Variants in CCDC178 observed in about 807,000 individuals in gnomAD.
CCDC178 encodes the protein coiled-coil domain containing 178, also known as coiled-coil domain-containing protein 178.
CCDC178 carries 126 observed loss-of-function variants against 117.4 expected under a neutral mutation model. The ratio of observed to expected loss-of-function variants is 1.07; its 90% CI spans 0.93 to 1.24. The LOEUF (loss-of-function observed/expected upper bound fraction) is 1.24. Ranked by LOEUF, CCDC178 falls within the 50% of genes most tolerant of loss-of-function variation. The pLI, the probability that CCDC178 is intolerant of heterozygous loss-of-function variation, is 0.00. For missense variants in CCDC178, 1,030 were observed against 986.9 expected (o/e 1.04, Z -0.59); for synonymous variants, 283 against 313.4 (o/e 0.90, Z 1.02).
chr18:33,422,678 T>C (rs2064043463), intron 2 of CCDC178, among the ~76,000 whole-genome samples: 1 of 152,226 alleles, frequency 6.6e-6, no homozygotes, highest in South Asian at 2.1e-4. Flanking sequence ...CATGTGGCTA[T>C]TGGCTACCAT....
chr18:32,985,961 A>C (rs918596227), intron 21 of CCDC178, among the ~76,000 whole-genome samples: 26 of 152,072 alleles, frequency 1.7e-4, no homozygotes, highest in African/African-American at 6.3e-4. Flanking sequence ...AACTGGATTC[A>C]ATATAAAATA....
intron 20 of CCDC178, among the ~76,000 whole-genome samples, chr18:33,136,649 C>A (rs1006316213): frequency 2.0e-5 from 3 of 152,118 alleles, no homozygotes; most frequent in African/African-American, 7.2e-5. Context: ...ATTTTGGAAA[C>A]AAGCCACACT....
In CCDC178 at chr18:33,373,021, A is replaced by T. The variant is rs143759364; in HGVS notation, c.209-2832T>A. Among the ~76,000 whole-genome samples, 46 of 152,134 alleles carry T rather than the reference A, an allele frequency of 3.0e-4. No homozygotes were observed. The East Asian group carries it at 5.2e-3, about 17-fold the overall frequency. On this transcript the variant is annotated intron_variant, in intron 5 of 22. Coordinates refer to ENST00000383096, the MANE Select transcript of CCDC178 (RefSeq NM_001105528.4). ...GATTTTCTTTCCAAAATGTAACATA[A>T]GTCAGTGCTCTTGAGGTTAAAAATA...
At chr18:33,017,783 A>G (rs150235849) in intron 21 of CCDC178, among the ~76,000 whole-genome samples, 2 of 152,126 alleles carry the variant, frequency 1.3e-5, no homozygotes, top group African/African-American at 4.8e-5. Flanking sequence ...AAATATGCAT[A>G]GAAAATGGAC....
intron 21 of CCDC178, among the ~76,000 whole-genome samples, chr18:33,080,016 G>C (rs2057272710): frequency 6.6e-6 from 1 of 152,126 alleles, no homozygotes; most frequent in South Asian, 2.1e-4. Flanking sequence ...CAAAGACATG[G>C]AATCAACACA....
intron 11 of CCDC178, among the ~76,000 whole-genome samples, chr18:33,298,287 T>A (rs2062132616): frequency 6.6e-6 from 1 of 152,132 alleles, no homozygotes; most frequent in Non-Finnish European, 1.5e-5. Context: ...CATGATCAGG[T>A]GGGATTTATC....
At chr18:33,111,666 C>G (rs2057785169) in intron 20 of CCDC178, among the ~76,000 whole-genome samples, 2 of 151,532 alleles carry the variant, frequency 1.3e-5, no homozygotes, top group African/African-American at 4.8e-5. Flanking sequence ...AATATGATGA[C>G]AGAACTAAGA....
chr18:33,295,961 G>A (rs938671936), intron 11 of CCDC178, among the ~76,000 whole-genome samples: 7 of 152,174 alleles, frequency 4.6e-5, no homozygotes, highest in Admixed American at 4.6e-4. Context: ...AAAAACTTAT[G>A]TTCACACAAA....
intron 2 of CCDC178, among the ~76,000 whole-genome samples, chr18:33,417,532 G>GTA (rs1037752835): frequency 2.2e-5 from 1 of 46,378 alleles, no homozygotes; most frequent in African/African-American, 6.6e-5. Flanking sequence ...TCACAGAGCT[G>GTA]TATACACACA....
chr18:33,113,175 ATAGTT>A (rs2057807061), intron 20 of CCDC178, among the ~76,000 whole-genome samples: 1 of 152,166 alleles, frequency 6.6e-6, no homozygotes, highest in African/African-American at 2.4e-5. Flanking sequence ...ACAATGAATC[ATAGTT>A]TAGTTTTCTT....
chr18:33,249,954 T>C (rs2059599654), intron 14 of CCDC178, among the ~76,000 whole-genome samples: 1 of 151,982 alleles, frequency 6.6e-6, no homozygotes, highest in South Asian at 2.1e-4. Context: ...TGAGCAGTGG[T>C]TTGTAGTTCT....
intron 20 of CCDC178, among the ~76,000 whole-genome samples, chr18:33,121,694 T>C (rs2057939671): frequency 1.3e-5 from 2 of 152,114 alleles, no homozygotes; most frequent in African/African-American, 4.8e-5. Context: ...CATCGTAATC[T>C]CGTAATCTTG....
At chr18:33,140,396 C>T (rs2058187002) in intron 20 of CCDC178, among the ~76,000 whole-genome samples, 1 of 152,096 alleles carries the variant, frequency 6.6e-6, no homozygotes, top group Non-Finnish European at 1.5e-5. Context: ...CCCATGAAAG[C>T]AGTTGGGAGG....
intron 20 of CCDC178, among the ~76,000 whole-genome samples, chr18:33,157,685 TTA>T (rs1262463384): frequency 6.6e-6 from 1 of 152,160 alleles, no homozygotes; most frequent in Non-Finnish European, 1.5e-5. Context: ...TCTTGAGTCA[TTA>T]CTCTGACTTT....
chr18:33,191,331 T>C (rs2058855751), intron 20 of CCDC178, among the ~76,000 whole-genome samples: 1 of 152,128 alleles, frequency 6.6e-6, no homozygotes, highest in South Asian at 2.1e-4. Context: ...TCATGGTAAA[T>C]TGTCAACAAA....
At chr18:33,245,082 A>T (rs2059532412) in intron 15 of CCDC178, among the ~76,000 whole-genome samples, 163 bp downstream of exon 15, 1 of 151,960 alleles carries the variant, frequency 6.6e-6, no homozygotes, top group African/African-American at 2.4e-5. Context: ...ATTCAAGCTG[A>T]GCCTTTGGAG....
chr18:33,339,755 T>C (rs1014972694), intron 9 of CCDC178, among the ~76,000 whole-genome samples: 2 of 152,084 alleles, frequency 1.3e-5, no homozygotes, highest in African/African-American at 4.8e-5. Flanking sequence ...GTTTCTGTTA[T>C]TGCTTCTTCC....
chr18:33,126,817 T>A (rs1254305303), intron 20 of CCDC178, among the ~76,000 whole-genome samples: 1 of 151,626 alleles, frequency 6.6e-6, no homozygotes, highest in Non-Finnish European at 1.5e-5. Flanking sequence ...CTCACCACAC[T>A]GACTAATTTT....
intron 18 of CCDC178, among the ~76,000 whole-genome samples, chr18:33,218,723 T>G (rs1377026788): frequency 6.6e-6 from 1 of 152,108 alleles, no homozygotes; most frequent in Non-Finnish European, 1.5e-5. Flanking sequence ...TTTCCCCATT[T>G]CTTGTTTTTG....
Sources: allele counts gnomAD v4.1 joint callset (sites outside exome capture counted in the v4.1 genomes callset), GRCh38; gene constraint gnomAD v4.1.1; transcripts MANE v1.5; gene names NCBI Gene and HGNC (gene_info 2026-07-23, HGNC 2026-07-21).